Variants in SNTG1 observed in about 807,000 individuals in gnomAD.
SNTG1 encodes the protein gamma-1-syntrophin.
Under a neutral mutation model 74.7 loss-of-function variants are expected in SNTG1, and 39 were observed. That is an observed-to-expected ratio of 0.52 (90% CI 0.40 to 0.68). The LOEUF is 0.68. SNTG1 is among the 30% of genes least tolerant of loss of function. The probability of loss-of-function intolerance (pLI) is 0.00; values close to 1 mark genes in which losing one functional copy is unlikely to be tolerated. For synonymous variants in SNTG1, 254 were observed against 217.1 expected (o/e 1.17, Z -1.49); for missense variants, 685 against 609.5 (o/e 1.12, Z -1.30).
At chr8:50,132,431 C>A (rs1291378338) in intron 1 of SNTG1, among the ~76,000 whole-genome samples, 1 of 152,032 alleles carries the variant, frequency 6.6e-6, no homozygotes, top group African/African-American at 2.4e-5. Context: ...GTGAAAACAC[C>A]AAACAAGTTA....
At chr8:50,138,573 TGA>T (rs1210316608) in intron 1 of SNTG1, among the ~76,000 whole-genome samples, 3 of 151,078 alleles carry the variant, frequency 2.0e-5, no homozygotes, top group Non-Finnish European at 2.9e-5. Context: ...TGCACTGAGC[TGA>T]GATGGTTCCA....
At chr8:50,529,087 G>A (rs2094245358) in intron 9 of SNTG1, among the ~76,000 whole-genome samples, 1 of 151,598 alleles carries the variant, frequency 6.6e-6, no homozygotes, top group Non-Finnish European at 1.5e-5. Context: ...AGTTTGATAT[G>A]TTGTATTTTT....
intron 1 of SNTG1, among the ~76,000 whole-genome samples, chr8:49,921,169 A>G (rs148944930): frequency 6.6e-6 from 1 of 152,230 alleles, no homozygotes; most frequent in East Asian, 1.9e-4. Context: ...GAATAAAAGA[A>G]AAACAATTGT....
Position 50,530,229 on chromosome 8 carries a change from C to T in SNTG1, c.519C>T (p.Gly173=), listed in dbSNP as rs375740010. ...SGTSSPLCDS[G]LHLNYHPNNT... is the part of the protein sequence containing the mutation. Reference sequence around the variant, plus strand: ...CCTCCTCTCCTCTCTGTGACAGTGGCTTACATCTCAACTACCATCCCAACA... The same window carrying T: ...CCTCCTCTCCTCTCTGTGACAGTGGTTTACATCTCAACTACCATCCCAACA... The change falls in exon 10 of 19, where the codon GGC becomes GGT. Residue 173 remains glycine (G), a synonymous_variant. Transcript: ENST00000642720. 3.6e-4 allele frequency: 577 copies of T among 1,613,794 alleles called. 6 individuals are homozygous for T. In the South Asian group the frequency reaches 6.0e-3, roughly 17 times the overall value.
intron 1 of SNTG1, among the ~76,000 whole-genome samples, chr8:49,985,234 C>T (rs192120434): frequency 2.0e-5 from 3 of 152,052 alleles, no homozygotes; most frequent in Admixed American, 1.3e-4. Flanking sequence ...TGTAGTGGCA[C>T]GATCTCCACT....
intron 2 of SNTG1, among the ~76,000 whole-genome samples, chr8:50,206,952 G>A (rs1031304324): frequency 2.0e-5 from 3 of 152,146 alleles, no homozygotes; most frequent in Non-Finnish European, 4.4e-5. Context: ...TTGACGTGCT[G>A]CTGGTTTTGG....
chr8:50,329,726 C>T (rs1204031021), intron 2 of SNTG1, among the ~76,000 whole-genome samples: 1 of 152,144 alleles, frequency 6.6e-6, no homozygotes, highest in Non-Finnish European at 1.5e-5. Context: ...GCCCTCGAGA[C>T]ATTTTTCCCA....
chr8:50,070,954 AG>A (rs552812007), intron 1 of SNTG1, among the ~76,000 whole-genome samples: 5 of 152,166 alleles, frequency 3.3e-5, no homozygotes, highest in Non-Finnish European at 5.9e-5. Context: ...ACAGTCATTT[AG>A]CTGCATGGTT....
chr8:50,154,330 C>A lies in SNTG1; in HGVS notation c.-102-18231C>A, dbSNP rs2082179657. Reference sequence around the variant, plus strand: ...CCAATTTTCCAGGTACTGTCTGTCACCGCTTCCCTTGGCTAGGAAAGGGAA... The same window carrying A: ...CCAATTTTCCAGGTACTGTCTGTCAACGCTTCCCTTGGCTAGGAAAGGGAA... On this transcript the variant is annotated intron_variant, in intron 1 of 18. Coordinates refer to ENST00000642720, the MANE Select transcript of SNTG1 (RefSeq NM_018967.5). Among the ~76,000 whole-genome samples the A allele has an allele frequency of 2.0e-5, 3 of 152,112 alleles. No homozygotes were observed. The South Asian group carries it at 6.2e-4, about 32-fold the overall frequency.
At chr8:49,917,851 C>A (rs1806179641) in intron 1 of SNTG1, among the ~76,000 whole-genome samples, 1 of 152,156 alleles carries the variant, frequency 6.6e-6, no homozygotes, top group African/African-American at 2.4e-5. Context: ...CATCACACTG[C>A]AGAAAGTGAG....
At chr8:50,397,781 T>C (rs2092746616) in intron 3 of SNTG1, among the ~76,000 whole-genome samples, 1 of 152,194 alleles carries the variant, frequency 6.6e-6, no homozygotes, top group Non-Finnish European at 1.5e-5. Context: ...GTATGCGGGA[T>C]AGCAGAGTGT....
At chr8:50,054,510 C>T (rs1487871281) in intron 1 of SNTG1, among the ~76,000 whole-genome samples, 1 of 152,064 alleles carries the variant, frequency 6.6e-6, no homozygotes, top group Non-Finnish European at 1.5e-5. Flanking sequence ...AAACCATAAA[C>T]TCTTTCCATC....
chr8:50,021,748 C>T (rs1816835466), intron 1 of SNTG1, among the ~76,000 whole-genome samples: 1 of 151,942 alleles, frequency 6.6e-6, no homozygotes, highest in South Asian at 2.1e-4. Flanking sequence ...CCAGCCTGGG[C>T]AACACAGGGA....
At chr8:49,920,551 AC>A (rs753262302) in intron 1 of SNTG1, among the ~76,000 whole-genome samples, 3 of 151,968 alleles carry the variant, frequency 2.0e-5, no homozygotes, top group African/African-American at 2.4e-5. Context: ...AAATAAAAAA[AC>A]AAATAAACAA....
intron 9 of SNTG1, among the ~76,000 whole-genome samples, chr8:50,526,266 C>T (rs530580624): frequency 8.5e-5 from 13 of 152,196 alleles, no homozygotes; most frequent in African/African-American, 2.2e-4. Flanking sequence ...CTTGTGCACT[C>T]CCCCAAAAGC....
rs566446910 is a variant in SNTG1, at chr8:50,701,494, T to C, written c.1039-3106T>C. 2.8e-3 allele frequency among the ~76,000 whole-genome samples: 421 copies of C among 152,300 alleles called. 1 individual carries two copies. The highest frequency in any genetic ancestry group is 5.2e-3 in the Non-Finnish European group (352 of 68,018). ...CTTTTTCTATACTTTATCTTTGATA[T>C]TCTACTCGTTTTCAGCCACTGTTTA... On this transcript the variant is annotated intron_variant, in intron 15 of 18. Coordinates refer to ENST00000642720, the MANE Select transcript of SNTG1 (RefSeq NM_018967.5).
intron 2 of SNTG1, among the ~76,000 whole-genome samples, chr8:50,227,242 T>C (rs781052853): frequency 2.4e-4 from 37 of 152,228 alleles, no homozygotes; most frequent in Non-Finnish European, 3.4e-4. Flanking sequence ...TGTTCTCAAA[T>C]TGGTGAAGGC....
intron 17 of SNTG1, among the ~76,000 whole-genome samples, chr8:50,714,539 T>C (rs4392909): frequency 0.94 from 143,048 of 152,234 alleles, 67,254 homozygotes; most frequent in East Asian, 1. Context: ...GAATCAGATT[T>C]CAGATTTTTG....
rs914517079 is a variant in SNTG1, at chr8:50,644,869, A to G, written c.850-12040A>G. On this transcript the variant is annotated intron_variant, in intron 13 of 18. Coordinates refer to ENST00000642720, the MANE Select transcript of SNTG1 (RefSeq NM_018967.5). The stretch of plus-strand genomic sequence containing the variant: ...TTAACATTACTCTCTTGCCTTTTGT[A>G]GGCATTTTGGACTGTTGTGGCCTAA... 3.3e-5 allele frequency among the ~76,000 whole-genome samples: 5 copies of G among 151,136 alleles called. No homozygotes were observed. The East Asian group carries it at 9.8e-4, about 29-fold the overall frequency.
Sources: gnomAD v4.1 joint callset for allele counts (sites outside exome capture counted in the v4.1 genomes callset) on GRCh38, gnomAD v4.1.1 for gene constraint, MANE v1.5 for transcripts, NCBI Gene and HGNC (gene_info 2026-07-23, HGNC 2026-07-21) for gene names.